The following REST variants were observed in gnomAD, a reference collection of about 807,000 sequenced individuals.
The protein encoded by REST is RE1-silencing transcription factor.
REST carries 1 observed loss-of-function variant against 30.4 expected under a neutral mutation model. That is an observed-to-expected ratio of 0.03 (90% confidence interval 0.01 to 0.16). The LOEUF (loss-of-function observed/expected upper bound fraction) is 0.16. Ranked by LOEUF, REST falls within the 10% of genes least tolerant of loss-of-function variation. The probability of loss-of-function intolerance (pLI) is 1.00; values close to 1 mark genes in which losing one functional copy is unlikely to be tolerated. For synonymous variants in REST, 504 were observed against 451.1 expected (o/e 1.12, Z -1.49); for missense variants, 1,259 against 1,329.5 (o/e 0.95, Z 0.82).
In REST at chr4:56,931,833, C is replaced by T. The variant is rs1560453737; in HGVS notation, c.2975C>T (p.Ser992Leu). Residue 992 changes from serine (S) to leucine (L), a missense_variant, in exon 4 of 4, where the codon TCA (serine) becomes TTA (leucine). This residue lies in a region of REST where 856 missense variants were observed against 772.8 expected (regional missense o/e 1.11). Coordinates refer to ENST00000309042, the MANE Select transcript of REST (RefSeq NM_005612.5). ...GCAGTGTCCAAAACTGCACTGGCAT[C>T]ACCTCCTGCTACAATGGCAGCAAAT... ...REAVSKTALA[S>L]PPATMAANES... 2 of 1,614,200 alleles carry T rather than the reference C, an allele frequency of 1.2e-6. No homozygotes were observed. The highest frequency in any genetic ancestry group is 4.5e-5 in the East Asian group (2 of 44,890).
rs1720890905 is a variant in REST at position 56,930,031 on chromosome 4, C to T, written c.1173C>T (p.Cys391=). The change falls in exon 4 of 4, where the codon TGC becomes TGT. Residue 391 remains cysteine, a synonymous_variant. Coordinates refer to ENST00000309042, the MANE Select transcript of REST (RefSeq NM_005612.5). Reference sequence around the variant, plus strand: ...ATGTGAACCCACGGCAGTTCAATTGCCCTGTATGTGACTATGCAGCTTCCA... The same window carrying T: ...ATGTGAACCCACGGCAGTTCAATTGTCCTGTATGTGACTATGCAGCTTCCA... The part of the protein sequence containing the change: ...ELHVNPRQFN[C]PVCDYAASKK... 1.2e-6 allele frequency: 2 copies of T among 1,614,084 alleles called. No individual in the cohort carries two copies. The highest frequency in any genetic ancestry group is 1.7e-6 in the Non-Finnish European group (2 of 1,179,992).
In REST at chr4:56,910,795, G is replaced by A; in HGVS notation, c.157G>A (p.Ala53Thr). Reference sequence around the variant, plus strand: ...TCAGCTTATTATGCTGGCAAATGTGGCCTTAACTGGGGAAGTAAATGGCAG... The same window carrying A: ...TCAGCTTATTATGCTGGCAAATGTGACCTTAACTGGGGAAGTAAATGGCAG... ...APQLIMLANV[A>T]LTGEVNGSCC... Residue 53 changes from alanine (A) to threonine (T), a missense_variant, in exon 2 of 4, where the codon GCC becomes ACC. Around this residue, in one of 5 missense-constraint regions of REST, gnomAD observed 249 missense variants for 251.5 expected, o/e 0.99. Coordinates refer to ENST00000309042, the MANE Select transcript of REST (RefSeq NM_005612.5). 1 of 1,614,202 alleles carries A rather than the reference G, an allele frequency of 6.2e-7. No individual in the cohort carries two copies. Among genetic ancestry groups the A allele is most frequent in the Non-Finnish European group, 8.5e-7 (1 of 1,180,050 alleles).
rs776251385 is a variant in REST, at chr4:56,910,619, T to A, written c.-9-11T>A. 1 of 1,578,588 alleles carries A rather than the reference T, an allele frequency of 6.3e-7. No homozygotes were observed. The highest frequency in any genetic ancestry group is 8.6e-7 in the Non-Finnish European group (1 of 1,160,436). ...AACTGGTGCTCTTGTTTTGTTTTGTTTTTAATTCAGAATACAGTTATGGCC... is the reference window on the plus strand; with the variant it reads ...AACTGGTGCTCTTGTTTTGTTTTGTATTTAATTCAGAATACAGTTATGGCC... On this transcript the variant is annotated splice_polypyrimidine_tract_variant and intron_variant, in intron 1 of 3. Transcript: ENST00000309042.
chr4:56,920,904 C>T (rs555474764), intron 3 of REST, among the ~76,000 whole-genome samples: 10 of 152,204 alleles, frequency 6.6e-5, no homozygotes, highest in East Asian at 3.9e-4. Context: ...CTTGCTCTGT[C>T]GTCTAGGCTG....
At chr4:56,919,907 TA>T in intron 3 of REST, 37 bp downstream of exon 3, 1 of 1,059,764 alleles carries the variant, frequency 9.4e-7, no homozygotes. Flanking sequence ...TCATTTTCAG[TA>T]AATGACCATT....
chr4:56,927,985 G>A (rs796524123), intron 3 of REST, among the ~76,000 whole-genome samples: 19 of 152,330 alleles, frequency 1.2e-4, no homozygotes, highest in African/African-American at 4.6e-4. Context: ...CCTTTGCTCA[G>A]ACTAAAGCAG....
chr4:56,929,084 C>A (rs1057382458), intron 3 of REST, among the ~76,000 whole-genome samples: 1 of 103,744 alleles, frequency 9.6e-6, no homozygotes, highest in Non-Finnish European at 2.0e-5. Flanking sequence ...TTTTTTTTTT[C>A]TTTGAGACAC....
At chr4:56,913,976 C>T (rs1409727014) in intron 2 of REST, among the ~76,000 whole-genome samples, 1 of 150,678 alleles carries the variant, frequency 6.6e-6, no homozygotes, top group East Asian at 2.0e-4. Context: ...TACTTTGTCA[C>T]CCATCCTGGA....
chr4:56,935,260 AG>A lies in REST; in HGVS notation c.*3110del. 1 of 152,192 alleles carries A rather than the reference AG, an allele frequency of 6.6e-6. No homozygotes were observed. The highest frequency in any genetic ancestry group is 1.5e-5 in the Non-Finnish European group (1 of 68,028). The allele number at this position is 152,192 out of a possible 1,614,324, so 9.4% of individuals were successfully genotyped here. On this transcript the variant is annotated 3_prime_UTR_variant, in exon 4 of 4. Transcript: ENST00000309042. ...CTGTCACTTCTGGATTGATAAGCTG[AG>A]GAAGAAAGTTAAGTTTCTTTTTTAC...
rs1202610255 is a variant in REST, at chr4:56,934,731, A to G, written c.*2579A>G. Reference sequence around the variant, plus strand: ...AGTCCCCCTCCCCCACACTGGATAGAATTTAGCCTAGAATTTTCCCTTTGG... The same window carrying G: ...AGTCCCCCTCCCCCACACTGGATAGGATTTAGCCTAGAATTTTCCCTTTGG... On this transcript the variant is annotated 3_prime_UTR_variant, in exon 4 of 4. Transcript: ENST00000309042. 2.6e-5 allele frequency: 4 copies of G among 152,174 alleles called. No homozygotes were observed. The highest frequency in any genetic ancestry group is 7.2e-5 in the African/African-American group (3 of 41,450). The allele number at this position is 152,174 out of a possible 1,614,324, so 9.4% of individuals were successfully genotyped here.
chr4:56,913,610 G>C (rs1468519459), intron 2 of REST, among the ~76,000 whole-genome samples: 1 of 152,140 alleles, frequency 6.6e-6, no homozygotes, highest in Non-Finnish European at 1.5e-5. Flanking sequence ...CTGAGGAGGG[G>C]AATTGATGCT....
intron 2 of REST, among the ~76,000 whole-genome samples, chr4:56,913,104 C>A (rs1720011638): frequency 6.6e-6 from 1 of 152,062 alleles, no homozygotes; most frequent in Non-Finnish European, 1.5e-5. Flanking sequence ...ACTAGTCATT[C>A]ACTTTTAAAT....
Position 56,930,116 on chromosome 4 carries a change from A to G in REST, c.1258A>G (p.Met420Val), listed in dbSNP as rs1560451320. 2.5e-6 allele frequency: 4 copies of G among 1,613,730 alleles called. No homozygotes were observed. The highest frequency in any genetic ancestry group is 2.5e-6 in the Non-Finnish European group (3 of 1,179,982). ...GCATCCTACTTGTCCTAATAAAACA[A>G]TGGATGTCTCAAAAGTGAAACTAAA... ...SKHPTCPNKT[M>V]DVSKVKLKKT... Residue 420 changes from methionine to valine, a missense_variant, in exon 4 of 4, where the codon ATG (methionine) becomes GTG (valine). This residue lies in a region of REST where 856 missense variants were observed against 772.8 expected (regional missense o/e 1.11). Coordinates refer to ENST00000309042, the MANE Select transcript of REST (RefSeq NM_005612.5).
rs1720913432 is a variant in REST at position 56,930,579 on chromosome 4, G to C, written c.1721G>C (p.Cys574Ser). Residue 574 changes from cysteine (C) to serine (S), a missense_variant, in exon 4 of 4, where the codon TGC becomes TCC. Physicochemically the swap from Cys to Ser is moderately radical, Grantham distance 112 (BLOSUM62 -1). Around this residue, in one of 5 missense-constraint regions of REST, gnomAD observed 856 missense variants for 772.8 expected, o/e 1.11. Transcript: ENST00000309042. ...KVEENKKQNT[C>S]MKKSTKKKTL... ...GAGGAGAATAAAAAGCAAAATACTT[G>C]CATGAAAAAAAGTACAAAGAAGAAA... The C allele has an allele frequency of 1.3e-5, 21 of 1,612,100 alleles. No individual in the cohort carries two copies. The highest frequency in any genetic ancestry group is 1.8e-5 in the Non-Finnish European group (21 of 1,179,668).
Position 56,934,549 on chromosome 4 carries a change from T to TA in REST, c.*2398dup. 1 of 152,346 alleles carries TA rather than the reference T, an allele frequency of 6.6e-6. No homozygotes were observed. The highest frequency in any genetic ancestry group is 1.9e-4 in the East Asian group (1 of 5,194). 9.4% of individuals were successfully genotyped at this position (152,346 alleles called of 1,614,324 possible). On this transcript the variant is annotated 3_prime_UTR_variant, in exon 4 of 4. Coordinates refer to ENST00000309042, the MANE Select transcript of REST (RefSeq NM_005612.5). ...AATAAGGACTTGATTGTCAGGCCTA[T>TA]ATTAGGTTCTGAACCTTAATGCCAT...
At chr4:56,929,644 TGA>T (rs1720874908) in intron 3 of REST, among the ~76,000 whole-genome samples, 195 bp from the exon 4 acceptor site, 1 of 152,250 alleles carries the variant, frequency 6.6e-6, no homozygotes, top group Admixed American at 6.5e-5. Context: ...TGTGGTTAAC[TGA>T]GATTTATTCC....
rs1290561917 is a variant in REST at position 56,931,629 on chromosome 4, A to G, written c.2771A>G (p.Gln924Arg). 6.2e-7 allele frequency: 1 copy of G among 1,614,268 alleles called. No homozygotes were observed. The highest frequency in any genetic ancestry group is 1.7e-5 in the Admixed American group (1 of 60,028). Residue 924 changes from glutamine to arginine, a missense_variant, in exon 4 of 4, where the codon CAA becomes CGA. Physicochemically the swap from Gln to Arg is conservative, Grantham distance 43. Transcript: ENST00000309042. ...TCTACCCATATTTCATCCTCTGGAC[A>G]AAACTTGAATACGCCAGAGGGTGAA... ...NESTHISSSG[Q>R]NLNTPEGETL...
At chr4:56,912,839 T>C (rs1031220411) in intron 2 of REST, among the ~76,000 whole-genome samples, 21 of 152,002 alleles carry the variant, frequency 1.4e-4, no homozygotes, top group Non-Finnish European at 2.8e-4. Context: ...AGAGATGGGG[T>C]TTTGCCATAT....
At chr4:56,918,460 T>TC (rs1720304780) in intron 2 of REST, among the ~76,000 whole-genome samples, 1 of 151,962 alleles carries the variant, frequency 6.6e-6, no homozygotes, top group South Asian at 2.1e-4. Flanking sequence ...GCCACCACAC[T>TC]CCAGTCTGGG....
Sources: gnomAD v4.1 joint callset for allele counts (sites outside exome capture counted in the v4.1 genomes callset) on GRCh38, gnomAD v4.1.1 for gene constraint, gnomAD v4.1.1 regional missense constraint, MANE v1.5 for transcripts, NCBI Gene and HGNC (gene_info 2026-07-23, HGNC 2026-07-21) for gene names.